The following CNTN5 variants were observed in gnomAD, a reference collection of about 807,000 sequenced individuals.
CNTN5 encodes the protein contactin-5.
A neutral mutation model predicts 129.1 loss-of-function variants in CNTN5; 77 were observed. That is an observed-to-expected ratio of 0.60 (90% CI 0.50 to 0.72). The LOEUF (loss-of-function observed/expected upper bound fraction) is 0.72. Ranked by LOEUF, CNTN5 falls within the 30% of genes least tolerant of loss-of-function variation. The probability of loss-of-function intolerance (pLI) is 0.00; values close to 1 mark genes in which losing one functional copy is unlikely to be tolerated. For synonymous variants in CNTN5, 509 were observed against 465.6 expected, an observed-to-expected ratio of 1.09 and a Z score of -1.20; for missense variants, 1,478 against 1,328.8, an observed-to-expected ratio of 1.11 and a Z score of -1.75.
chr11:99,477,346 T>G (rs9633959), intron 2 of CNTN5, among the ~76,000 whole-genome samples: 3,869 of 152,120 alleles, frequency 0.025, 76 homozygotes, highest in South Asian at 0.06. Context: ...TGTAGGGATC[T>G]TGTATTCTGT....
intron 3 of CNTN5, among the ~76,000 whole-genome samples, chr11:99,756,435 A>T (rs1565495059): frequency 6.6e-6 from 1 of 152,128 alleles, no homozygotes; most frequent in African/African-American, 2.4e-5. Flanking sequence ...TTTCCTGCCA[A>T]TATAAATACC....
intron 13 of CNTN5, among the ~76,000 whole-genome samples, chr11:100,104,181 G>A (rs1013500424): frequency 2.1e-5 from 3 of 144,842 alleles, no homozygotes; most frequent in African/African-American, 7.7e-5. Context: ...TGCAACTTCC[G>A]CCTCCCAGGT....
intron 23 of CNTN5, among the ~76,000 whole-genome samples, chr11:100,342,727 T>G (rs905723876): frequency 6.6e-6 from 1 of 152,202 alleles, no homozygotes; most frequent in Non-Finnish European, 1.5e-5. Context: ...GTTTCTAGAA[T>G]GGATGACTAA....
intron 3 of CNTN5, among the ~76,000 whole-genome samples, chr11:99,738,639 GTGTA>G (rs1484661827): frequency 1.2e-3 from 185 of 151,562 alleles, no homozygotes; most frequent in African/African-American, 3.5e-3. Flanking sequence ...GTGTGTGTGT[GTGTA>G]TGTGTGTGTA....
intron 6 of CNTN5, among the ~76,000 whole-genome samples, chr11:99,909,476 A>G (rs1163378562): frequency 6.6e-6 from 1 of 152,110 alleles, no homozygotes; most frequent in East Asian, 1.9e-4. Context: ...TACCCAAAGG[A>G]TTATAAAACA....
At position 99,062,726 on chromosome 11, in the gene CNTN5, C is replaced by T. The variant is rs552804237; in HGVS notation, c.-210+41456C>T. Among the ~76,000 whole-genome samples, 7 of 145,998 alleles carry T rather than the reference C, an allele frequency of 4.8e-5. No individual in the cohort carries two copies. The East Asian group carries it at 1.4e-3, about 28-fold the overall frequency. ...AAACAATAATAAAATCACTTAAAGT[C>T]TGTCTGCTTTTACATCACCACACAC... On this transcript the variant is annotated intron_variant, in intron 1 of 24. Transcript: ENST00000524871.
chr11:100,213,103 T>C (rs1949065525), intron 15 of CNTN5, among the ~76,000 whole-genome samples: 1 of 152,244 alleles, frequency 6.6e-6, no homozygotes, highest in African/African-American at 2.4e-5. Context: ...GATAAGCTTA[T>C]AGAATGAAAA....
intron 3 of CNTN5, among the ~76,000 whole-genome samples, chr11:99,637,010 C>CAAAAAAAAAAAAGAA (rs1951584171): frequency 1.3e-4 from 1 of 7,824 alleles, no homozygotes; most frequent in African/African-American, 2.6e-4. Context: ...AACTTTGTCT[C>CAAAAAAAAAAAAGAA]AAAAAAAAAA....
chr11:99,397,492 T>C (rs1941584725), intron 2 of CNTN5, among the ~76,000 whole-genome samples: 1 of 151,792 alleles, frequency 6.6e-6, no homozygotes, highest in South Asian at 2.1e-4. Flanking sequence ...TTTGTACAGA[T>C]TTTTTTCCTC....
chr11:99,909,885 A>G (rs1486565153), intron 6 of CNTN5, among the ~76,000 whole-genome samples: 1 of 152,064 alleles, frequency 6.6e-6, no homozygotes, highest in Non-Finnish European at 1.5e-5. Context: ...TGGGTGCAGC[A>G]CACCAACATG....
At chr11:100,330,293 T>C (rs1591519575) in intron 21 of CNTN5, among the ~76,000 whole-genome samples, 1 of 152,224 alleles carries the variant, frequency 6.6e-6, no homozygotes, top group African/African-American at 2.4e-5. Context: ...GAAAGGAATT[T>C]TTAAAAAGAA....
chr11:99,843,921 C>T (rs1019824759), intron 4 of CNTN5, among the ~76,000 whole-genome samples: 2 of 152,190 alleles, frequency 1.3e-5, no homozygotes, highest in Admixed American at 1.3e-4. Context: ...GATACGCACA[C>T]GATGCTCTGA....
At chr11:99,449,806 T>C (rs1056626764) in intron 2 of CNTN5, among the ~76,000 whole-genome samples, 2 of 152,160 alleles carry the variant, frequency 1.3e-5, no homozygotes, top group Non-Finnish European at 2.9e-5. Context: ...ATAAAACCTC[T>C]ATTGGTCTAC....
intron 1 of CNTN5, among the ~76,000 whole-genome samples, chr11:99,184,740 T>C (rs1038587959): frequency 2.6e-5 from 4 of 152,076 alleles, no homozygotes; most frequent in Middle Eastern, 3.2e-3. Context: ...GAACATCTGA[T>C]TTTTTTGTGT....
intron 3 of CNTN5, among the ~76,000 whole-genome samples, chr11:99,769,775 C>T (rs1944880180): frequency 6.7e-6 from 1 of 148,540 alleles, no homozygotes. Context: ...AACATCTCGC[C>T]ACTGCACTCC....
chr11:99,809,407 TA>T, intron 3 of CNTN5, among the ~76,000 whole-genome samples: 1 of 152,312 alleles, frequency 6.6e-6, no homozygotes, highest in South Asian at 2.1e-4. Flanking sequence ...TTATACTTTT[TA>T]AAAATTTCCA....
At chr11:99,555,325 G>A (rs1234248575) in intron 2 of CNTN5, among the ~76,000 whole-genome samples, 3 of 151,950 alleles carry the variant, frequency 2.0e-5, no homozygotes, top group African/African-American at 7.2e-5. Context: ...GGAGAACATA[G>A]CTGACACGTG....
chr11:99,900,637 T>C (rs989007113), intron 6 of CNTN5, among the ~76,000 whole-genome samples: 2 of 152,170 alleles, frequency 1.3e-5, no homozygotes, highest in Non-Finnish European at 2.9e-5. Flanking sequence ...AACCCTTTAC[T>C]TTGAACCTAT....
At chr11:100,119,106 C>T (rs1337866247) in intron 13 of CNTN5, among the ~76,000 whole-genome samples, 2 of 151,466 alleles carry the variant, frequency 1.3e-5, no homozygotes, top group South Asian at 2.1e-4. Context: ...GGAACACTTA[C>T]ATATGCCTCT....
Sources: allele counts gnomAD v4.1 joint callset (sites outside exome capture counted in the v4.1 genomes callset), GRCh38; gene constraint gnomAD v4.1.1; transcripts MANE v1.5; gene names NCBI Gene and HGNC (gene_info 2026-07-23, HGNC 2026-07-21).